SNTG1: variants seen among roughly 807,000 people sequenced by gnomAD.
SNTG1 encodes gamma-1-syntrophin.
In SNTG1, 39 loss-of-function variants were observed where a neutral mutation model predicts 74.7. That is an observed-to-expected ratio of 0.52 (90% confidence interval 0.40 to 0.68). The LOEUF (loss-of-function observed/expected upper bound fraction) is 0.68. SNTG1 is among the 30% of genes least tolerant of loss of function. The probability of loss-of-function intolerance (pLI) is 0.00; values close to 1 mark genes in which losing one functional copy is unlikely to be tolerated. For missense variants in SNTG1, 685 were observed against 609.5 expected (o/e 1.12, Z -1.30); for synonymous variants, 254 against 217.1 (o/e 1.17, Z -1.49).
At chr8:50,639,586 C>T (rs915780917) in intron 13 of SNTG1, among the ~76,000 whole-genome samples, 1 of 151,858 alleles carries the variant, frequency 6.6e-6, no homozygotes, top group Non-Finnish European at 1.5e-5. Flanking sequence ...GAATTGTGTG[C>T]AATCATGCTT....
intron 15 of SNTG1, among the ~76,000 whole-genome samples, chr8:50,704,012 C>T (rs1476285216): frequency 3.3e-5 from 5 of 152,092 alleles, no homozygotes; most frequent in Non-Finnish European, 7.4e-5. Context: ...AATTTGTGAA[C>T]ACTTCAGTTG....
chr8:50,293,403 C>CTTTTTTTTTTTTTTTTTT (rs11349774), intron 2 of SNTG1, among the ~76,000 whole-genome samples: 1 of 135,648 alleles, frequency 7.4e-6, no homozygotes. Flanking sequence ...TAGTAGGCTT[C>CTTTTTTTTTTTTTTTTTT]TTTTTTTTTT....
rs2095504172 is a variant in SNTG1 at position 50,727,966 on chromosome 8, AGTG to A, written c.1284+18989_1284+18991del. On this transcript the variant is annotated intron_variant, in intron 17 of 18. Coordinates refer to ENST00000642720, the MANE Select transcript of SNTG1 (RefSeq NM_018967.5). Reference sequence around the variant, plus strand: ...ACTGTTTACTGATCTCTTGGTACAAAGTGTTTAGAAGCACCAGAAAGCACCGTG... The same window carrying A: ...ACTGTTTACTGATCTCTTGGTACAAATTTAGAAGCACCAGAAAGCACCGTG... 2.0e-5 allele frequency among the ~76,000 whole-genome samples: 3 copies of A among 152,296 alleles called. No individual in the cohort carries two copies. In the South Asian group the frequency reaches 6.2e-4, roughly 32 times the overall value.
chr8:50,112,515 CTT>C (rs34942560), intron 1 of SNTG1, among the ~76,000 whole-genome samples: 142 of 77,592 alleles, frequency 1.8e-3, no homozygotes, highest in Middle Eastern at 0.03. Context: ...TTAGTTCTTT[CTT>C]TTTTTTTTTT....
At chr8:50,363,095 T>A (rs1410730425) in intron 2 of SNTG1, among the ~76,000 whole-genome samples, 1 of 152,148 alleles carries the variant, frequency 6.6e-6, no homozygotes, top group Non-Finnish European at 1.5e-5. Flanking sequence ...TAAGGCTAAA[T>A]AATGGTCTTT....
intron 17 of SNTG1, among the ~76,000 whole-genome samples, chr8:50,743,767 C>A (rs895306646): frequency 6.6e-6 from 1 of 151,790 alleles, no homozygotes; most frequent in African/African-American, 2.4e-5. Context: ...TGTATTAGGC[C>A]ATTCTTGGAT....
chr8:50,736,167 A>G (rs1358017406), intron 17 of SNTG1, among the ~76,000 whole-genome samples: 2 of 152,108 alleles, frequency 1.3e-5, no homozygotes, highest in Admixed American at 1.3e-4. Flanking sequence ...CTGCAAGAAC[A>G]TACCAAATTG....
At chr8:50,032,393 A>T (rs1427974738) in intron 1 of SNTG1, among the ~76,000 whole-genome samples, 5 of 150,984 alleles carry the variant, frequency 3.3e-5, no homozygotes, top group South Asian at 2.1e-4. Flanking sequence ...TTAGTTTGAA[A>T]TTTTTCTTTT....
chr8:50,091,335 G>T (rs572705881), intron 1 of SNTG1, among the ~76,000 whole-genome samples: 1 of 151,462 alleles, frequency 6.6e-6, no homozygotes, highest in African/African-American at 2.4e-5. Flanking sequence ...TACTCTTTTA[G>T]CAAACTTCCA....
chr8:50,680,710 G>C (rs1488640509), intron 15 of SNTG1, among the ~76,000 whole-genome samples: 1 of 152,066 alleles, frequency 6.6e-6, no homozygotes, highest in Admixed American at 6.6e-5. Flanking sequence ...CTGACCAATG[G>C]TCCTCAAGCG....
chr8:50,753,744 A>G (rs2095573385), intron 18 of SNTG1, among the ~76,000 whole-genome samples: 1 of 151,896 alleles, frequency 6.6e-6, no homozygotes, highest in African/African-American at 2.4e-5. Flanking sequence ...AAGAATAGAT[A>G]TTTGGTTGAG....
chr8:49,930,146 G>C (rs2449957), intron 1 of SNTG1, among the ~76,000 whole-genome samples: 125,061 of 151,982 alleles, frequency 0.82, 51,795 homozygotes, highest in East Asian at 0.98. Context: ...TTGGAGATGA[G>C]GACAAAAAGA....
chr8:50,784,085 A>T (rs1357225698), intron 18 of SNTG1, among the ~76,000 whole-genome samples: 2 of 152,224 alleles, frequency 1.3e-5, no homozygotes, highest in African/African-American at 2.4e-5. Context: ...TGGGCTCTTC[A>T]TAACTACTGT....
At chr8:50,605,044 C>T (rs944410203) in intron 13 of SNTG1, among the ~76,000 whole-genome samples, 2 of 152,122 alleles carry the variant, frequency 1.3e-5, no homozygotes, top group Non-Finnish European at 2.9e-5. Context: ...TGTCTAGGAG[C>T]TAGAGCCTGG....
chr8:50,636,010 C>A (rs2095036733), intron 13 of SNTG1, among the ~76,000 whole-genome samples: 1 of 151,794 alleles, frequency 6.6e-6, no homozygotes, highest in Non-Finnish European at 1.5e-5. Flanking sequence ...GTGATGAATC[C>A]TGCCAGAATT....
At chr8:50,347,850 T>C (rs910923438) in intron 2 of SNTG1, among the ~76,000 whole-genome samples, 6 of 152,196 alleles carry the variant, frequency 3.9e-5, no homozygotes, top group African/African-American at 1.4e-4. Context: ...TATTCACATA[T>C]ATACTTTAAA....
intron 2 of SNTG1, among the ~76,000 whole-genome samples, chr8:50,373,170 T>C (rs2092306611): frequency 6.6e-6 from 1 of 152,346 alleles, no homozygotes; most frequent in South Asian, 2.1e-4. Flanking sequence ...AATTCTGTTT[T>C]GTAAAGTTTT....
chr8:50,200,337 T>C (rs1563730501), intron 2 of SNTG1, among the ~76,000 whole-genome samples: 1 of 152,174 alleles, frequency 6.6e-6, no homozygotes. Context: ...CTTAAGCTCC[T>C]GAAGACTATG....
rs1001688363 is a variant in SNTG1, at chr8:50,049,952, C to T, written c.-102-122609C>T. Among the ~76,000 whole-genome samples the T allele has an allele frequency of 1.3e-4, 20 of 151,398 alleles. 1 individual carries two copies. The highest frequency in any genetic ancestry group is 2.6e-4 in the Admixed American group (4 of 15,198). On this transcript the variant is annotated intron_variant, in intron 1 of 18. Coordinates refer to ENST00000642720, the MANE Select transcript of SNTG1 (RefSeq NM_018967.5). ...ACATGTCAAAATTCGTGGAATTCAG[C>T]AAAAGCAATGTTTAGAGGAAAATTT...
Sources: gnomAD v4.1 joint callset for allele counts (sites outside exome capture counted in the v4.1 genomes callset) on GRCh38, gnomAD v4.1.1 for gene constraint, MANE v1.5 for transcripts, NCBI Gene and HGNC (gene_info 2026-07-23, HGNC 2026-07-21) for gene names.